The following TTLL5 variants were observed in gnomAD, a reference collection of about 807,000 sequenced individuals.
TTLL5 encodes tubulin tyrosine ligase like 5, also known as tubulin polyglutamylase TTLL5.
Under a neutral mutation model 168.4 loss-of-function variants are expected in TTLL5, and 132 were observed. The observed-to-expected ratio is 0.78, with a 90% CI of 0.68 to 0.91. The LOEUF is 0.91. Among genes scored for constraint, TTLL5 ranks in the 40% least tolerant of loss-of-function variants. The pLI is 0.00. For synonymous variants in TTLL5, 546 were observed against 558.6 expected (o/e 0.98, Z 0.32); for missense variants, 1,545 against 1,581.5 (o/e 0.98, Z 0.39).
At chr14:75,850,219 C>G (rs1358266882) in intron 28 of TTLL5, among the ~76,000 whole-genome samples, 2 of 151,756 alleles carry the variant, frequency 1.3e-5, no homozygotes, top group South Asian at 4.2e-4. Flanking sequence ...CCAGCCTGAC[C>G]AAAATGGAGA....
chr14:75,825,666 T>TG (rs1217502800), intron 28 of TTLL5, among the ~76,000 whole-genome samples: 9 of 151,882 alleles, frequency 5.9e-5, no homozygotes, highest in African/African-American at 1.7e-4. Context: ...CTACTTTTTG[T>TG]GGGGGGGACT....
chr14:75,753,857 A>G (rs1205824693), intron 18 of TTLL5, among the ~76,000 whole-genome samples: 2 of 152,164 alleles, frequency 1.3e-5, no homozygotes, highest in South Asian at 4.1e-4. Context: ...TTTAGAGTTT[A>G]GATACTTTGC....
At chr14:75,909,281 C>G (rs909480971) in intron 31 of TTLL5, among the ~76,000 whole-genome samples, 6 of 148,824 alleles carry the variant, frequency 4.0e-5, no homozygotes, top group African/African-American at 1.5e-4. Context: ...TTCCCCTGCC[C>G]TAAAATCGTC....
Position 75,757,839 on chromosome 14 carries a change from C to G in TTLL5, c.1550+4884C>G, listed in dbSNP as rs746682885. On this transcript the variant is annotated intron_variant, in intron 18 of 31. Coordinates refer to ENST00000298832, the MANE Select transcript of TTLL5 (RefSeq NM_015072.5). ...CCTTTCTGCTTCTGTAGGGGAAACC[C>G]AAGAAGAAGCTTATTGACAGGAAGA... 21 of 1,591,770 alleles carry G rather than the reference C, an allele frequency of 1.3e-5. No individual in the cohort carries two copies. In the South Asian group the frequency reaches 2.0e-4, roughly 15 times the overall value.
chr14:75,873,828 G>A (rs971654419), intron 29 of TTLL5, among the ~76,000 whole-genome samples: 5 of 152,052 alleles, frequency 3.3e-5, no homozygotes, highest in African/African-American at 9.7e-5. Context: ...AATATACATG[G>A]CATTATGATG....
intron 27 of TTLL5, among the ~76,000 whole-genome samples, chr14:75,800,551 T>C (rs1047876914): frequency 4.6e-5 from 7 of 152,140 alleles, no homozygotes; most frequent in African/African-American, 1.7e-4. Context: ...AACCTTGCCT[T>C]GTCATATTAC....
intron 31 of TTLL5, among the ~76,000 whole-genome samples, chr14:75,940,723 G>T (rs997325658): frequency 1.3e-5 from 2 of 152,164 alleles, no homozygotes; most frequent in African/African-American, 4.8e-5. Context: ...TTCACTGAAT[G>T]ACATTTGAAA....
chr14:75,952,678 TA>T (rs1430935459), intron 31 of TTLL5, among the ~76,000 whole-genome samples: 2 of 152,118 alleles, frequency 1.3e-5, no homozygotes, highest in Non-Finnish European at 2.9e-5. Context: ...TATTCAGCCA[TA>T]AAAAAGGAGT....
intron 28 of TTLL5, among the ~76,000 whole-genome samples, chr14:75,840,265 A>G (rs985078247): frequency 4.6e-5 from 7 of 152,180 alleles, no homozygotes; most frequent in African/African-American, 1.7e-4. Flanking sequence ...TCTGGGATAC[A>G]TATGCAGAAC....
chr14:75,949,850 C>CA (rs918178259), intron 31 of TTLL5, among the ~76,000 whole-genome samples: 13 of 120,614 alleles, frequency 1.1e-4, no homozygotes, highest in East Asian at 9.3e-4. Flanking sequence ...ACTCTGTCTC[C>CA]AAAAAAAAAG....
At chr14:75,785,112 A>G (rs1595036335) in intron 26 of TTLL5, among the ~76,000 whole-genome samples, 1 of 145,828 alleles carries the variant, frequency 6.9e-6, no homozygotes, top group Non-Finnish European at 1.5e-5. Context: ...TTCTATTGTC[A>G]CTTGTGCTTT....
intron 28 of TTLL5, among the ~76,000 whole-genome samples, chr14:75,842,837 CAAGGG>C (rs1485877557): frequency 1.3e-5 from 2 of 152,086 alleles, no homozygotes. Flanking sequence ...TGATAATAAT[CAAGGG>C]CTGACAGCAC....
chr14:75,732,437 A>T lies in TTLL5; in HGVS notation c.1124+18A>T, dbSNP rs769244110. 6.2e-7 allele frequency: 1 copy of T among 1,609,050 alleles called. No homozygotes were observed. Among genetic ancestry groups the T allele is most frequent in the South Asian group, 1.1e-5 (1 of 89,978 alleles). On this transcript the variant is annotated intron_variant, in intron 13 of 31. Transcript: ENST00000298832. ...TTGGCCTGGTAAGTCAGTTCCATCA[A>T]CTAAAAAAGGACAAATCTTCAAGTA...
At chr14:75,768,657 C>G (rs1891104019) in intron 20 of TTLL5, among the ~76,000 whole-genome samples, 1 of 152,014 alleles carries the variant, frequency 6.6e-6, no homozygotes, top group Non-Finnish European at 1.5e-5. Context: ...TCCTATCAGT[C>G]AGAAAGAAAG....
chr14:75,735,986 T>C (rs1888875737), intron 15 of TTLL5, among the ~76,000 whole-genome samples: 2 of 152,232 alleles, frequency 1.3e-5, no homozygotes, highest in African/African-American at 4.8e-5. Flanking sequence ...ACTTTGCTCT[T>C]CTCTTCCCAT....
chr14:75,742,108 A>G (rs1215814208), intron 15 of TTLL5, among the ~76,000 whole-genome samples: 1 of 152,208 alleles, frequency 6.6e-6, no homozygotes, highest in Non-Finnish European at 1.5e-5. Context: ...TTAATAGTTA[A>G]TAACTTTTTC....
chr14:75,697,671 A>T (rs549900872), intron 6 of TTLL5, among the ~76,000 whole-genome samples: 1 of 152,222 alleles, frequency 6.6e-6, no homozygotes, highest in East Asian at 1.9e-4. Flanking sequence ...CCTTCTGAAG[A>T]CCTGCCTGGT....
At chr14:75,903,638 T>C (rs2033019418) in intron 31 of TTLL5, among the ~76,000 whole-genome samples, 1 of 151,948 alleles carries the variant, frequency 6.6e-6, no homozygotes, top group Non-Finnish European at 1.5e-5. Flanking sequence ...GTACAGTGGC[T>C]CATGCCTATA....
At chr14:75,688,801 G>C (rs2140133999) in intron 5 of TTLL5, among the ~76,000 whole-genome samples, 1 of 152,278 alleles carries the variant, frequency 6.6e-6, no homozygotes, top group Non-Finnish European at 1.5e-5. Context: ...TGAGAGTAGA[G>C]AGTAGGAAAA....
Sources: allele counts gnomAD v4.1 joint callset (sites outside exome capture counted in the v4.1 genomes callset), GRCh38; gene constraint gnomAD v4.1.1; transcripts MANE v1.5; gene names NCBI Gene and HGNC (gene_info 2026-07-23, HGNC 2026-07-21).